The following UGGT1 variants were observed in gnomAD, a reference collection of about 807,000 sequenced individuals.
The protein encoded by UGGT1 is UDP-glucose glycoprotein glucosyltransferase 1, also known as UDP-glucose:glycoprotein glucosyltransferase 1.
UGGT1 carries 107 observed loss-of-function variants against 203.9 expected under a neutral mutation model. The ratio of observed to expected loss-of-function variants is 0.52; its 90% CI spans 0.45 to 0.62. The LOEUF (loss-of-function observed/expected upper bound fraction) is 0.62. Ranked by LOEUF, UGGT1 falls within the 20% of genes least tolerant of loss-of-function variation. The pLI is 0.00. For missense variants in UGGT1, 1,673 were observed against 1,867.2 expected (o/e 0.90, Z 1.92); for synonymous variants, 628 against 653.5 (o/e 0.96, Z 0.59).
rs749898679 is a variant in UGGT1, at chr2:128,138,791, G to T, written c.1658G>T (p.Arg553Ile). Residue 553 changes from arginine to isoleucine, a missense_variant, in exon 16 of 41, where the codon AGA (arginine) becomes ATA (isoleucine). By Grantham distance (97) the Arg-to-Ile change is moderately conservative (BLOSUM62 -3). Coordinates refer to ENST00000259253, the MANE Select transcript of UGGT1 (RefSeq NM_020120.4). ...CAAGATGCTGGAGTGGCTGTTCTTA[G>T]AGCATATAATTATGTTGCCCAAGAA... ...GMQDAGVAVL[R>I]AYNYVAQEVD... 3.7e-6 allele frequency: 6 copies of T among 1,614,134 alleles called. No homozygotes were observed. The highest frequency in any genetic ancestry group is 2.2e-5 in the East Asian group (1 of 44,876).
At position 128,173,965 on chromosome 2, in the gene UGGT1, G is replaced by A. The variant is rs748635932; in HGVS notation, c.3453+26G>A. The A allele has an allele frequency of 6.8e-6, 11 of 1,606,252 alleles. 1 individual carries two copies. The highest frequency in any genetic ancestry group is 9.4e-6 in the Non-Finnish European group (11 of 1,174,260). Reference sequence around the variant, plus strand: ...GTAAATAATCTGTTCATCAGATAGTGATATTGTAGTTACGTTAATTTGGGC... The same window carrying A: ...GTAAATAATCTGTTCATCAGATAGTAATATTGTAGTTACGTTAATTTGGGC... On this transcript the variant is annotated intron_variant, in intron 30 of 40. Coordinates refer to ENST00000259253, the MANE Select transcript of UGGT1 (RefSeq NM_020120.4).
chr2:128,155,333 G>A (rs1690176049), intron 19 of UGGT1, among the ~76,000 whole-genome samples, 156 bp from the exon 20 acceptor site: 1 of 152,170 alleles, frequency 6.6e-6, no homozygotes, highest in African/African-American at 2.4e-5. Flanking sequence ...AGGGATAGGG[G>A]CCATGTTGTG....
intron 14 of UGGT1, 142 bp from the exon 15 acceptor site, chr2:128,134,734 A>G: frequency 1.5e-6 from 1 of 659,002 alleles, no homozygotes; most frequent in Non-Finnish European, 2.7e-6. Context: ...GGTAGCTGCT[A>G]TGTGTGTAAT....
At position 128,177,883 on chromosome 2, in the gene UGGT1, A is replaced by G; in HGVS notation, c.3676A>G (p.Ser1226Gly). The change falls in exon 33 of 41, where the codon AGT becomes GGT. Residue 1226 changes from serine to glycine, a missense_variant. Transcript: ENST00000259253. ...CGAAGACTTGCTGAGTGATGGAACG[A>G]GTGAGAATGAATCTGGATTTTGGGA... ...VNEDLLSDGT[S>G]ENESGFWDSF... 6.2e-7 allele frequency: 1 copy of G among 1,605,604 alleles called. No individual in the cohort carries two copies. Among genetic ancestry groups the G allele is most frequent in the Non-Finnish European group, 8.5e-7 (1 of 1,176,446 alleles).
intron 16 of UGGT1, 44 bp downstream of exon 16, chr2:128,138,896 C>CTTA (rs1689273700): frequency 1.2e-6 from 2 of 1,609,878 alleles, no homozygotes; most frequent in East Asian, 4.5e-5. Context: ...TCAGATCTAA[C>CTTA]TTACTCTTAA....
chr2:128,106,146 A>G (rs1392716823), intron 3 of UGGT1, among the ~76,000 whole-genome samples: 1 of 147,372 alleles, frequency 6.8e-6, no homozygotes, highest in Non-Finnish European at 1.5e-5. Flanking sequence ...ATAGATATGT[A>G]AATATTTTAA....
chr2:128,172,859 T>C, intron 29 of UGGT1, 97 bp downstream of exon 29: 5 of 1,178,930 alleles, frequency 4.2e-6, no homozygotes, highest in Non-Finnish European at 5.9e-6. Context: ...AGTGTTCAGG[T>C]ATGATATTTT....
At chr2:128,160,972 T>C (rs1232054361) in intron 24 of UGGT1, among the ~76,000 whole-genome samples, 166 bp from the exon 25 acceptor site, 1 of 152,218 alleles carries the variant, frequency 6.6e-6, no homozygotes, top group African/African-American at 2.4e-5. Flanking sequence ...TGCTTTGGGC[T>C]TCACTTTGTA....
At chr2:128,154,544 T>A (rs1309806716) in intron 19 of UGGT1, among the ~76,000 whole-genome samples, 1 of 152,214 alleles carries the variant, frequency 6.6e-6, no homozygotes, top group Non-Finnish European at 1.5e-5. Context: ...GATACTAATT[T>A]TTACCAGCAT....
chr2:128,157,301 T>A lies in UGGT1; in HGVS notation c.2310T>A (p.Asp770Glu), dbSNP rs1690284604. The A allele has an allele frequency of 1.9e-6, 3 of 1,614,092 alleles. No individual in the cohort carries two copies. Among genetic ancestry groups the A allele is most frequent in the Admixed American group, 3.3e-5 (2 of 60,012 alleles). The change falls in exon 22 of 41, where the codon GAT becomes GAA. Residue 770 changes from aspartate to glutamate, a missense_variant. This residue lies in a region of UGGT1 where 1,073 missense variants were observed against 1,078.7 expected (regional missense o/e 0.99). Coordinates refer to ENST00000259253, the MANE Select transcript of UGGT1 (RefSeq NM_020120.4). ...PVTFWIVGDF[D>E]SPSGRQLLYD... ...CTTTTTGGATTGTTGGGGATTTTGA[T>A]AGCCCTTCTGGACGGCAGTTACTGT...
chr2:128,155,690 C>A, intron 20 of UGGT1, 103 bp downstream of exon 20: 1 of 816,512 alleles, frequency 1.2e-6, no homozygotes, highest in Non-Finnish European at 1.9e-6. Context: ...AAAGAGACTT[C>A]ATAATTTTTC....
chr2:128,177,341 T>C (rs1437250924), intron 32 of UGGT1, among the ~76,000 whole-genome samples: 2 of 152,188 alleles, frequency 1.3e-5, no homozygotes, highest in African/African-American at 4.8e-5. Context: ...GAAAGAATCA[T>C]TACACACAGT....
rs187917183 is a variant in UGGT1, at chr2:128,099,444, T to G, written c.194+1880T>G. Among the ~76,000 whole-genome samples the G allele has an allele frequency of 6.1e-3, 922 of 152,260 alleles. 9 individuals are homozygous for G. Among genetic ancestry groups the G allele is most frequent in the Non-Finnish European group, 8.6e-3 (588 of 68,024 alleles). Reference sequence around the variant, plus strand: ...CAGGTGTGAGCCACCATGCCTGGCCTCTAGAATTTTGTATTCTAACATTTT... The same window carrying G: ...CAGGTGTGAGCCACCATGCCTGGCCGCTAGAATTTTGTATTCTAACATTTT... On this transcript the variant is annotated intron_variant, in intron 2 of 40. Coordinates refer to ENST00000259253, the MANE Select transcript of UGGT1 (RefSeq NM_020120.4).
At chr2:128,136,493 T>C (rs927942110) in intron 15 of UGGT1, among the ~76,000 whole-genome samples, 2 of 152,240 alleles carry the variant, frequency 1.3e-5, no homozygotes, top group African/African-American at 4.8e-5. Flanking sequence ...TGTCTTTCAC[T>C]GAGCAATGTG....
In UGGT1 at chr2:128,186,704, C is replaced by T. The variant is rs747110436; in HGVS notation, c.4381C>T (p.His1461Tyr). ...LDQDLPNNMI[H>Y]QVPIKSLPQE... Reference sequence around the variant, plus strand: ...ACAGGATCTGCCCAATAACATGATTCATCAGGTGCCAATTAAATCCCTCCC... The same window carrying T: ...ACAGGATCTGCCCAATAACATGATTTATCAGGTGCCAATTAAATCCCTCCC... The change falls in exon 39 of 41, where the codon CAT (histidine) becomes TAT (tyrosine). Residue 1461 changes from histidine to tyrosine, a missense_variant. Coordinates refer to ENST00000259253, the MANE Select transcript of UGGT1 (RefSeq NM_020120.4). 3.1e-6 allele frequency: 5 copies of T among 1,613,082 alleles called. No homozygotes were observed. The highest frequency in any genetic ancestry group is 3.4e-6 in the Non-Finnish European group (4 of 1,179,476).
At chr2:128,186,847 G>A (rs1235825683) in intron 39 of UGGT1, 48 bp downstream of exon 39, 1 of 1,342,820 alleles carries the variant, frequency 7.4e-7, no homozygotes, top group Non-Finnish European at 1.0e-6. Context: ...CTGGATGTGT[G>A]AGTGAATCAC....
chr2:128,135,852 A>T (rs1396086024), intron 15 of UGGT1, among the ~76,000 whole-genome samples: 3 of 152,246 alleles, frequency 2.0e-5, no homozygotes. Context: ...GGGTTCTGAT[A>T]GTTGGAAATG....
chr2:128,130,483 C>T (rs1361234621), intron 13 of UGGT1, among the ~76,000 whole-genome samples: 1 of 152,092 alleles, frequency 6.6e-6, no homozygotes, highest in African/African-American at 2.4e-5. Context: ...TTGTTAATGT[C>T]ATTTGCTTTT....
At chr2:128,148,374 G>A (rs562447320) in intron 18 of UGGT1, among the ~76,000 whole-genome samples, 1 of 152,272 alleles carries the variant, frequency 6.6e-6, no homozygotes, top group African/African-American at 2.4e-5. Flanking sequence ...CACCATGCTC[G>A]GCCCTGAACC....
Sources: gnomAD v4.1 joint callset for allele counts (sites outside exome capture counted in the v4.1 genomes callset) on GRCh38, gnomAD v4.1.1 for gene constraint, gnomAD v4.1.1 regional missense constraint, MANE v1.5 for transcripts, NCBI Gene and HGNC (gene_info 2026-07-23, HGNC 2026-07-21) for gene names.